SNX25: variants seen among roughly 807,000 people sequenced by gnomAD.
SNX25 encodes the protein sorting nexin 25, also known as sorting nexin-25.
Under a neutral mutation model 113.7 loss-of-function variants are expected in SNX25, and 62 were observed. The ratio of observed to expected loss-of-function variants is 0.55; its 90% CI spans 0.44 to 0.67. The LOEUF (loss-of-function observed/expected upper bound fraction) is 0.67. Among genes scored for constraint, SNX25 ranks in the 30% least tolerant of loss-of-function variants. The pLI is 0.00. For synonymous variants in SNX25, 421 were observed against 436.2 expected (o/e 0.97, Z 0.43); for missense variants, 1,014 against 1,161.0 (o/e 0.87, Z 1.84).
intron 12 of SNX25, among the ~76,000 whole-genome samples, chr4:185,342,863 A>AATTT (rs1479790707): frequency 8.6e-5 from 13 of 151,930 alleles, no homozygotes; most frequent in African/African-American, 2.2e-4. Context: ...TGTGACCTGG[A>AATTT]ATTTATTTAT....
In SNX25 at chr4:185,341,981, A is replaced by G. The variant is rs1189100652; in HGVS notation, c.2052A>G (p.Thr684=). ...ATTTTGATGTTTTCCCCAAGGTTAC[A>G]GAAGAGAATGGTGAGCAATTGCCAT... ...WKASITSGEV[T]EENGEQLPCY... Residue 684 remains threonine (T), a synonymous_variant, in exon 12 of 19, where the codon ACA becomes ACG. Transcript: ENST00000652585. 1 of 1,589,894 alleles carries G rather than the reference A, an allele frequency of 6.3e-7. No individual in the cohort carries two copies. Among genetic ancestry groups the G allele is most frequent in the Non-Finnish European group, 8.5e-7 (1 of 1,171,882 alleles).
intron 5 of SNX25, among the ~76,000 whole-genome samples, chr4:185,276,849 A>T (rs1472374243): frequency 6.6e-6 from 1 of 152,128 alleles, no homozygotes; most frequent in African/African-American, 2.4e-5. Context: ...CCTTAAGAGG[A>T]AGGAAAAAAG....
chr4:185,278,267 C>G (rs1385326395), intron 5 of SNX25, among the ~76,000 whole-genome samples: 1 of 152,204 alleles, frequency 6.6e-6, no homozygotes, highest in Admixed American at 6.5e-5. Flanking sequence ...CAATGCAAGT[C>G]AACTTATGGC....
intron 1 of SNX25, among the ~76,000 whole-genome samples, chr4:185,246,174 A>C (rs1744841070): frequency 6.6e-6 from 1 of 152,218 alleles, no homozygotes; most frequent in South Asian, 2.1e-4. Flanking sequence ...AGTCCCAGCT[A>C]CTCTGGAGGC....
intron 1 of SNX25, among the ~76,000 whole-genome samples, chr4:185,246,700 A>G (rs564238578): frequency 1.3e-5 from 2 of 152,202 alleles, no homozygotes; most frequent in African/African-American, 4.8e-5. Flanking sequence ...AGAATTTTGT[A>G]TTTTAGGTAG....
chr4:185,372,048 C>T (rs561684529), downstream of SNX25, among the ~76,000 whole-genome samples: 113 of 152,206 alleles, frequency 7.4e-4, no homozygotes, highest in South Asian at 2.5e-3. Context: ...TTACGGACTC[C>T]GAGAAAAGAC....
At chr4:185,311,573 G>T (rs1257306694) in intron 7 of SNX25, among the ~76,000 whole-genome samples, 1 of 152,180 alleles carries the variant, frequency 6.6e-6, no homozygotes, top group Non-Finnish European at 1.5e-5. Context: ...GAAGGAACAG[G>T]ACCTCAAAGC....
intron 3 of SNX25, among the ~76,000 whole-genome samples, chr4:185,260,818 G>A (rs1349109224): frequency 1.3e-5 from 2 of 152,152 alleles, no homozygotes; most frequent in African/African-American, 4.8e-5. Context: ...GCTGCCTATA[G>A]AGAAAGTAAC....
At chr4:185,239,361 T>A (rs957156023) in intron 1 of SNX25, among the ~76,000 whole-genome samples, 3 of 152,036 alleles carry the variant, frequency 2.0e-5, no homozygotes, top group East Asian at 3.9e-4. Context: ...TGGGCACCTG[T>A]AGTCCCAGCT....
chr4:185,242,368 C>T (rs1470746433), intron 1 of SNX25, among the ~76,000 whole-genome samples: 1 of 152,084 alleles, frequency 6.6e-6, no homozygotes, highest in African/African-American at 2.4e-5. Flanking sequence ...CCCAAGAGCC[C>T]TCAACCCCCC....
intron 10 of SNX25, 53 bp downstream of exon 10, chr4:185,332,812 G>T: frequency 6.4e-7 from 1 of 1,557,088 alleles, no homozygotes; most frequent in Non-Finnish European, 8.7e-7. Flanking sequence ...GTCTAATTTG[G>T]TAGTTTTCAG....
At position 185,363,496 on chromosome 4, in the gene SNX25, C is replaced by A; in HGVS notation, c.*31C>A. On this transcript the variant is annotated 3_prime_UTR_variant, in exon 19 of 19. Coordinates refer to ENST00000652585, the MANE Select transcript of SNX25 (RefSeq NM_001378034.2). This position sits in a 1 kb window ranked among gnomAD's most constrained non-coding sequence, Gnocchi z 4.2. ...CACAAATAAACCACCAGAAAAATGT[C>A]TGTGTAATAATAGACATGAAACATT... 1 of 1,594,768 alleles carries A rather than the reference C, an allele frequency of 6.3e-7. No individual in the cohort carries two copies. The highest frequency in any genetic ancestry group is 1.1e-5 in the South Asian group (1 of 90,682).
At chr4:185,316,339 T>C (rs2095074406) in intron 7 of SNX25, among the ~76,000 whole-genome samples, 1 of 152,170 alleles carries the variant, frequency 6.6e-6, no homozygotes, top group Non-Finnish European at 1.5e-5. Flanking sequence ...GTGAAAAAAC[T>C]GAGGCGCAGA....
chr4:185,376,799 G>T, the SNX25 span: 3 of 708,332 alleles, frequency 4.2e-6, no homozygotes, highest in African/African-American at 1.8e-5. Context: ...CGATGTAATT[G>T]GACAGAATTT....
chr4:185,321,849 A>G (rs2095122918), intron 8 of SNX25, among the ~76,000 whole-genome samples: 1 of 152,206 alleles, frequency 6.6e-6, no homozygotes, highest in African/African-American at 2.4e-5. Context: ...TAAAAATACA[A>G]AATCAGCCAT....
chr4:185,238,889 C>G (rs543594279), intron 1 of SNX25, among the ~76,000 whole-genome samples: 29 of 152,220 alleles, frequency 1.9e-4, no homozygotes, highest in African/African-American at 7.0e-4. Flanking sequence ...TGCCCTGGCT[C>G]CCAGTGAGCA....
At chr4:185,342,754 A>G (rs533078098) in intron 12 of SNX25, among the ~76,000 whole-genome samples, 179 of 151,492 alleles carry the variant, frequency 1.2e-3, no homozygotes, top group African/African-American at 4.3e-3. Context: ...GGAGGATTCT[A>G]TCACATATAC....
In SNX25 at chr4:185,346,595, C is replaced by G; in HGVS notation, c.2246C>G (p.Ser749Cys). The change falls in exon 13 of 19, where the codon TCT becomes TGT. Residue 749 changes from serine (S) to cysteine (C), a missense_variant. Transcript: ENST00000652585. ...TCTCTTAGCAAGCTGCCTTTCAAAT[C>G]TATAGATCAAAAGTTTATGGAAAAG... The part of the protein sequence containing the change: ...LPSLSKLPFK[S>C]IDQKFMEKSK... 1 of 1,594,972 alleles carries G rather than the reference C, an allele frequency of 6.3e-7. No individual in the cohort carries two copies. The highest frequency in any genetic ancestry group is 1.2e-5 in the South Asian group (1 of 85,674).
At chr4:185,214,510 C>A (rs898958130) in intron 1 of SNX25, among the ~76,000 whole-genome samples, 1 of 151,740 alleles carries the variant, frequency 6.6e-6, no homozygotes, top group Non-Finnish European at 1.5e-5. Flanking sequence ...GAGTCTGAGG[C>A]TGCAGTGAGC....
Sources: gnomAD v4.1 joint callset for allele counts (sites outside exome capture counted in the v4.1 genomes callset) on GRCh38, gnomAD v4.1.1 for gene constraint, Gnocchi (gnomAD v3.1) non-coding constraint, MANE v1.5 for transcripts, NCBI Gene and HGNC (gene_info 2026-07-23, HGNC 2026-07-21) for gene names.